The following PCDHGB1 variants were observed in gnomAD, a reference collection of about 807,000 sequenced individuals.
PCDHGB1 encodes protocadherin gamma-B1.
Under a neutral mutation model 56.6 loss-of-function variants are expected in PCDHGB1, and 34 were observed. The observed-to-expected ratio is 0.60, with a 90% CI of 0.46 to 0.80. The LOEUF (loss-of-function observed/expected upper bound fraction) is 0.80, where lower values mean the gene tolerates loss of function less well. PCDHGB1 is among the 30% of genes least tolerant of loss of function. The pLI, the probability that PCDHGB1 is intolerant of heterozygous loss-of-function variation, is 0.00. For missense variants in PCDHGB1, 1,278 were observed against 1,204.6 expected, an observed-to-expected ratio of 1.06 and a Z score of -0.90; for synonymous variants, 561 against 505.9, an observed-to-expected ratio of 1.11 and a Z score of -1.46.
chr5:141,462,161 T>G (rs1592764918), intron 1 of PCDHGB1, among the ~76,000 whole-genome samples: 1 of 152,148 alleles, frequency 6.6e-6, no homozygotes, highest in Non-Finnish European at 1.5e-5. Flanking sequence ...GGTTTCATCA[T>G]GTTGGCCAGG....
intron 1 of PCDHGB1, chr5:141,408,334 C>T (rs2095086638): frequency 1.2e-6 from 2 of 1,613,910 alleles, no homozygotes; most frequent in East Asian, 2.2e-5. Context: ...TGGCCAAGGG[C>T]TCGGTGGTGG....
At position 141,365,444 on chromosome 5, in the gene PCDHGB1, C is replaced by G. The variant is rs771471249; in HGVS notation, c.2409+12775C>G. 3 of 1,613,872 alleles carry G rather than the reference C, an allele frequency of 1.9e-6. No homozygotes were observed. The highest frequency in any genetic ancestry group is 3.3e-5 in the Admixed American group (2 of 60,006). On this transcript the variant is annotated intron_variant, in intron 1 of 3. Coordinates refer to ENST00000523390, the MANE Select transcript of PCDHGB1 (RefSeq NM_018922.3). ...AACTGTAATCGCGCTGTTTAGCGTACATGATGGTGATTCTGGAGAAAATGG... is the reference window on the plus strand; with the variant it reads ...AACTGTAATCGCGCTGTTTAGCGTAGATGATGGTGATTCTGGAGAAAATGG...
intron 1 of PCDHGB1, chr5:141,440,160 G>A (rs568136682): frequency 6.6e-6 from 1 of 152,324 alleles, no homozygotes; most frequent in East Asian, 1.9e-4. Flanking sequence ...ATTATAGCTT[G>A]GGCCATAACG....
rs753051237 is a variant in PCDHGB1, at chr5:141,490,422, A to G, written c.2410-4385A>G. On this transcript the variant is annotated intron_variant, in intron 1 of 3. Coordinates refer to ENST00000523390, the MANE Select transcript of PCDHGB1 (RefSeq NM_018922.3). This position sits in a 1 kb window ranked among gnomAD's most constrained non-coding sequence, Gnocchi z 5.4. Reference sequence around the variant, plus strand: ...GCCTTGATATCTCTCCGGACCTGCCATTTCAGATTAAGCCTTCTGAGAACC... The same window carrying G: ...GCCTTGATATCTCTCCGGACCTGCCGTTTCAGATTAAGCCTTCTGAGAACC... 1 of 1,614,178 alleles carries G rather than the reference A, an allele frequency of 6.2e-7. No individual in the cohort carries two copies. The highest frequency in any genetic ancestry group is 1.7e-5 in the Admixed American group (1 of 60,030).
intron 1 of PCDHGB1, chr5:141,433,247 G>A (rs1393219042): frequency 2.8e-6 from 4 of 1,447,840 alleles, no homozygotes; most frequent in Non-Finnish European, 3.8e-6. Context: ...AAGCTGGAAT[G>A]CAGCGGTACG....
chr5:141,385,984 T>C (rs75507773), intron 1 of PCDHGB1: 11 of 152,336 alleles, frequency 7.2e-5, no homozygotes, highest in African/African-American at 1.7e-4. Context: ...CAATAAAATA[T>C]GTCAAATAAA....
chr5:141,389,429 G>A (rs201662463), intron 1 of PCDHGB1: 149 of 1,610,654 alleles, frequency 9.3e-5, no homozygotes, highest in Non-Finnish European at 8.6e-5. Context: ...TGTTCGCGCA[G>A]CGCGCCTTCG....
intron 1 of PCDHGB1, chr5:141,427,665 G>A (rs763897261): frequency 1.3e-5 from 10 of 782,298 alleles, no homozygotes; most frequent in Admixed American, 3.9e-5. Flanking sequence ...CCACGTGGCC[G>A]AAAACAACCT....
At chr5:141,395,538 T>C (rs1459118809) in intron 1 of PCDHGB1, 1 of 225,772 alleles carries the variant, frequency 4.4e-6, no homozygotes, top group Non-Finnish European at 7.1e-6. Context: ...AATTTTGCTA[T>C]TGTTTGTGTG....
rs1374646530 is a variant in PCDHGB1, at chr5:141,431,339, T to C, written c.2410-63468T>C. ...AGCCGACGGTAGTAAGTACCCCGAA[T>C]TGGTGCTGAAACGCGCCCTGGACCG... On this transcript the variant is annotated intron_variant, in intron 1 of 3. Coordinates refer to ENST00000523390, the MANE Select transcript of PCDHGB1 (RefSeq NM_018922.3). This position sits in a 1 kb window ranked among gnomAD's most constrained non-coding sequence, Gnocchi z 4.8. 1 of 1,614,060 alleles carries C rather than the reference T, an allele frequency of 6.2e-7. No individual in the cohort carries two copies. The highest frequency in any genetic ancestry group is 8.5e-7 in the Non-Finnish European group (1 of 1,180,024).
chr5:141,490,644 T>C lies in PCDHGB1; in HGVS notation c.2410-4163T>C. The C allele has an allele frequency of 6.2e-7, 1 of 1,614,188 alleles. No homozygotes were observed. Among genetic ancestry groups the C allele is most frequent in the Non-Finnish European group, 8.5e-7 (1 of 1,180,016 alleles). On this transcript the variant is annotated intron_variant, in intron 1 of 3. Coordinates refer to ENST00000523390, the MANE Select transcript of PCDHGB1 (RefSeq NM_018922.3). The surrounding 1 kb of genome is among the most constrained non-coding windows in gnomAD (Gnocchi z 5.4). Reference sequence around the variant, plus strand: ...CTGCTTACATCCTAGAAAACCGGCCTCCGGGCTCCCTTCTTTGCACTGTGG... The same window carrying C: ...CTGCTTACATCCTAGAAAACCGGCCCCCGGGCTCCCTTCTTTGCACTGTGG...
intron 1 of PCDHGB1, chr5:141,360,147 C>A: frequency 6.2e-7 from 1 of 1,601,092 alleles, no homozygotes; most frequent in Non-Finnish European, 8.5e-7. Flanking sequence ...TGAAAGCGAG[C>A]TCAGGGAGGT....
chr5:141,456,814 ATTAGCCATCGTGG>A (rs2098889077), intron 1 of PCDHGB1, among the ~76,000 whole-genome samples: 1 of 151,928 alleles, frequency 6.6e-6, no homozygotes, highest in Non-Finnish European at 1.5e-5. Context: ...AATACAAAAA[ATTAGCCATCGTGG>A]TAGTGGGCGC....
chr5:141,353,831 GTCTT>G (rs1759397437), intron 1 of PCDHGB1, among the ~76,000 whole-genome samples: 1 of 152,116 alleles, frequency 6.6e-6, no homozygotes, highest in Non-Finnish European at 1.5e-5. Context: ...AGTTTGTGCG[GTCTT>G]TGAGGATTGT....
intron 1 of PCDHGB1, chr5:141,399,619 G>T (rs749025661): frequency 1.2e-6 from 2 of 1,613,784 alleles, no homozygotes; most frequent in Non-Finnish European, 1.7e-6. Flanking sequence ...TCTGGCACTG[G>T]CCTCTTACGT....
At chr5:141,370,227 G>C (rs375551989) in intron 1 of PCDHGB1, 1 of 585,120 alleles carries the variant, frequency 1.7e-6, no homozygotes. Context: ...GCTGCAGCCA[G>C]CTCGGAAGAA....
chr5:141,472,779 A>C (rs908169292), intron 1 of PCDHGB1, among the ~76,000 whole-genome samples: 5 of 152,012 alleles, frequency 3.3e-5, no homozygotes, highest in Non-Finnish European at 7.4e-5. Context: ...TGAGGTTGGG[A>C]GTTCAAGATC....
chr5:141,404,809 G>A (rs1383342554), intron 1 of PCDHGB1: 1 of 1,613,984 alleles, frequency 6.2e-7, no homozygotes, highest in East Asian at 2.2e-5. Flanking sequence ...TCTTCTCGGT[G>A]GGGCTGCACA....
In PCDHGB1 at chr5:141,352,298, C is replaced by G; in HGVS notation, c.2038C>G (p.Pro680Ala). The G allele has an allele frequency of 1.2e-6, 2 of 1,614,072 alleles. No individual in the cohort carries two copies. The highest frequency in any genetic ancestry group is 2.2e-5 in the East Asian group (1 of 44,880). Reference protein sequence around the residue: ...DLSDRPEPSDPQTELQFYLVV... With the variant: ...DLSDRPEPSDAQTELQFYLVV... ...CAGCGACCGCCCTGAGCCCTCTGAC[C>G]CCCAGACGGAACTGCAGTTTTACCT... Residue 680 changes from proline to alanine, a missense_variant, in exon 1 of 4, where the codon CCC becomes GCC. Pro to Ala is a conservative substitution (Grantham distance 27, BLOSUM62 -1). Transcript: ENST00000523390.
Sources: gnomAD v4.1 joint callset for allele counts (sites outside exome capture counted in the v4.1 genomes callset) on GRCh38, gnomAD v4.1.1 for gene constraint, Gnocchi (gnomAD v3.1) non-coding constraint, MANE v1.5 for transcripts, NCBI Gene and HGNC (gene_info 2026-07-23, HGNC 2026-07-21) for gene names.